The following USP28 variants were observed in gnomAD, a reference collection of about 807,000 sequenced individuals.
USP28 encodes the protein ubiquitin specific peptidase 28.
Under a neutral mutation model 145.0 loss-of-function variants are expected in USP28, and 113 were observed. The observed-to-expected ratio is 0.78, with a 90% CI of 0.67 to 0.91. USP28 has a LOEUF of 0.91. Ranked by LOEUF, USP28 falls within the 40% of genes least tolerant of loss-of-function variation. The pLI, the probability that USP28 is intolerant of heterozygous loss-of-function variation, is 0.00. For missense variants in USP28, 1,201 were observed against 1,289.6 expected, an observed-to-expected ratio of 0.93 and a Z score of 1.05; for synonymous variants, 447 against 450.9, an observed-to-expected ratio of 0.99 and a Z score of 0.11.
chr11:113,844,221 A>G (rs1186624216), intron 3 of USP28, among the ~76,000 whole-genome samples: 1 of 152,078 alleles, frequency 6.6e-6, no homozygotes, highest in Non-Finnish European at 1.5e-5. Flanking sequence ...CGGGTGGATC[A>G]CGAGGTCAGG....
intron 3 of USP28, among the ~76,000 whole-genome samples, chr11:113,848,688 T>C (rs567045691): frequency 6.6e-6 from 1 of 152,320 alleles, no homozygotes; most frequent in African/African-American, 2.4e-5. Context: ...TTGATTGTAT[T>C]ATGGGGATGG....
At chr11:113,875,234 C>T (rs1054047316) in intron 1 of USP28, among the ~76,000 whole-genome samples, 4 of 152,136 alleles carry the variant, frequency 2.6e-5, no homozygotes, top group African/African-American at 7.2e-5. Flanking sequence ...AACTTCAGCT[C>T]GCCCACGGAC....
intron 1 of USP28, among the ~76,000 whole-genome samples, chr11:113,862,389 G>T (rs2051675): frequency 0.51 from 77,794 of 151,996 alleles, 21,064 homozygotes; most frequent in Non-Finnish European, 0.61. Context: ...ATGTGGGATT[G>T]GATTACAAAG....
chr11:113,860,840 C>T (rs1475879619), intron 1 of USP28, among the ~76,000 whole-genome samples: 3 of 151,440 alleles, frequency 2.0e-5, no homozygotes, highest in Admixed American at 6.6e-5. Flanking sequence ...AAATAAGGGC[C>T]GGGCTTGGTG....
In USP28 at chr11:113,867,771, T is replaced by C. The variant is rs907378571; in HGVS notation, c.57+7674A>G. On this transcript the variant is annotated intron_variant, in intron 1 of 24. Transcript: ENST00000003302. ...AAACAAATGAATAAGGAAACCTGTA[T>C]ACACATCCCCACACAAAAGGAAAGA... Among the ~76,000 whole-genome samples, 7 of 105,068 alleles carry C rather than the reference T, an allele frequency of 6.7e-5. No individual in the cohort carries two copies. In the South Asian group the frequency reaches 1.4e-3, roughly 20 times the overall value. 68.9% of individuals were successfully genotyped at this position (105,068 alleles called of 152,430 possible). A position where few individuals can be genotyped will look rare whatever the true frequency, so the allele number is the denominator to read the frequency against.
At chr11:113,854,134 G>T in intron 2 of USP28, 124 bp downstream of exon 2, 1 of 834,540 alleles carries the variant, frequency 1.2e-6, no homozygotes, top group Non-Finnish European at 1.9e-6. Flanking sequence ...TCAGTCATTT[G>T]ACCTGTAGAG....
intron 16 of USP28, among the ~76,000 whole-genome samples, chr11:113,809,950 G>A (rs1203008758): frequency 6.7e-6 from 1 of 149,788 alleles, no homozygotes; most frequent in African/African-American, 2.5e-5. Flanking sequence ...TGGGAGAATC[G>A]CTTGAACCTG....
At chr11:113,833,217 C>T (rs1040925272) in intron 7 of USP28, among the ~76,000 whole-genome samples, 1 of 152,136 alleles carries the variant, frequency 6.6e-6, no homozygotes, top group African/African-American at 2.4e-5. Flanking sequence ...ACTGCCAGCC[C>T]CCGTGCAACA....
At chr11:113,825,051 T>C (rs1046975632) in intron 11 of USP28, among the ~76,000 whole-genome samples, 2 of 150,906 alleles carry the variant, frequency 1.3e-5, no homozygotes, top group Admixed American at 6.6e-5. Context: ...AAAATTTACA[T>C]AGAAATGCAA....
intron 10 of USP28, chr11:113,828,813 T>C (rs564644500): frequency 7.0e-6 from 3 of 431,102 alleles, no homozygotes; most frequent in South Asian, 5.2e-5. Context: ...CAGTAAATAC[T>C]ATAATAGGGA....
chr11:113,802,411 G>C (rs1015963444), intron 23 of USP28, among the ~76,000 whole-genome samples: 1 of 152,174 alleles, frequency 6.6e-6, no homozygotes, highest in Non-Finnish European at 1.5e-5. Context: ...GTATGAACAA[G>C]GTAAAGGCAG....
intron 11 of USP28, among the ~76,000 whole-genome samples, chr11:113,825,486 C>T (rs185146191): frequency 3.3e-5 from 5 of 152,144 alleles, no homozygotes; most frequent in Non-Finnish European, 5.9e-5. Flanking sequence ...TAGAACCAAG[C>T]AATCCTACTC....
intron 1 of USP28, among the ~76,000 whole-genome samples, chr11:113,863,643 C>CAAAAA (rs71063528): frequency 8.0e-6 from 1 of 124,902 alleles, no homozygotes; most frequent in African/African-American, 3.2e-5. Flanking sequence ...GACCCTGTCT[C>CAAAAA]AAAAAAAAAA....
At chr11:113,873,869 G>A (rs927658216) in intron 1 of USP28, among the ~76,000 whole-genome samples, 3 of 152,176 alleles carry the variant, frequency 2.0e-5, no homozygotes, top group Non-Finnish European at 2.9e-5. Flanking sequence ...CAGGCTGGGC[G>A]CCCTGGTTCA....
chr11:113,834,454 G>T, intron 5 of USP28, 119 bp from the exon 6 acceptor site: 1 of 626,478 alleles, frequency 1.6e-6, no homozygotes, highest in Non-Finnish European at 2.5e-6. Context: ...TATCAACCTG[G>T]CAATTTGACT....
exon 14 of USP28, chr11:113,815,234 T>A: frequency 6.2e-7 from 1 of 1,614,188 alleles, no homozygotes; most frequent in Non-Finnish European, 8.5e-7. Context: ...ACAAAATTTA[T>A]CTCCTCATCT....
chr11:113,831,926 T>A (rs753266274), exon 8 of USP28: 1 of 1,613,762 alleles, frequency 6.2e-7, no homozygotes, highest in Non-Finnish European at 8.5e-7. Context: ...TCACTTAACA[T>A]TAACAGCTAG....
chr11:113,874,472 T>G (rs1349205708), intron 1 of USP28: 3 of 874,624 alleles, frequency 3.4e-6, no homozygotes, highest in Non-Finnish European at 4.7e-6. Context: ...TAAATACTAC[T>G]GGCCTTCCAG....
chr11:113,817,795 C>T (rs773121922), exon 13 of USP28: 28 of 1,614,000 alleles, frequency 1.7e-5, no homozygotes, highest in East Asian at 2.2e-5. Flanking sequence ...TCAGCATGTC[C>T]GGGAGCGGGA....
Sources: allele counts gnomAD v4.1 joint callset (sites outside exome capture counted in the v4.1 genomes callset), GRCh38; gene constraint gnomAD v4.1.1; transcripts MANE v1.5; gene names NCBI Gene and HGNC (gene_info 2026-07-23, HGNC 2026-07-21).